DLGAP1: variants seen among roughly 807,000 people sequenced by gnomAD.
DLGAP1 encodes the protein DLG associated protein 1, also known as disks large-associated protein 1.
In DLGAP1, 11 loss-of-function variants were observed where a neutral mutation model predicts 90.8. The observed-to-expected ratio is 0.12, with a 90% CI of 0.08 to 0.20. The LOEUF (loss-of-function observed/expected upper bound fraction) is 0.20. DLGAP1 is among the 10% of genes least tolerant of loss of function. The probability of loss-of-function intolerance (pLI) is 1.00; values close to 1 mark genes in which losing one functional copy is unlikely to be tolerated. For synonymous variants in DLGAP1, 558 were observed against 540.7 expected (o/e 1.03, Z -0.44); for missense variants, 1,050 against 1,333.8 (o/e 0.79, Z 3.31).
intron 1 of DLGAP1, among the ~76,000 whole-genome samples, chr18:4,324,283 T>C (rs1292122522): frequency 1.3e-5 from 2 of 150,356 alleles, no homozygotes; most frequent in African/African-American, 4.9e-5. Flanking sequence ...CAATAAATTC[T>C]TGGACACATA....
At chr18:3,985,607 C>A (rs1263962611) in intron 3 of DLGAP1, among the ~76,000 whole-genome samples, 2 of 151,522 alleles carry the variant, frequency 1.3e-5, no homozygotes, top group African/African-American at 4.9e-5. Flanking sequence ...CCTAGGAAGA[C>A]TAACATATGT....
chr18:3,589,956 G>C (rs993756492), intron 7 of DLGAP1, among the ~76,000 whole-genome samples: 6 of 152,208 alleles, frequency 3.9e-5, no homozygotes, highest in African/African-American at 1.4e-4. Context: ...TGTTGCCCAG[G>C]CTGGAGCGCA....
At chr18:3,760,944 G>A (rs921108762) in intron 5 of DLGAP1, among the ~76,000 whole-genome samples, 2 of 152,144 alleles carry the variant, frequency 1.3e-5, no homozygotes, top group Admixed American at 6.5e-5. Flanking sequence ...GGTTGGGTCC[G>A]TGACACTGTG....
intron 10 of DLGAP1, among the ~76,000 whole-genome samples, chr18:3,524,919 C>T (rs866982734): frequency 7.9e-5 from 12 of 152,148 alleles, no homozygotes; most frequent in Middle Eastern, 3.2e-3. Flanking sequence ...CCATAGAAAA[C>T]GTGGATCTGT....
At chr18:3,654,758 C>A (rs890359019) in intron 7 of DLGAP1, 1 of 152,142 alleles carries the variant, frequency 6.6e-6, no homozygotes, top group Non-Finnish European at 1.5e-5. Context: ...ATGCGCAAAG[C>A]GAACTTGAAT....
intron 4 of DLGAP1, among the ~76,000 whole-genome samples, chr18:3,828,196 G>T (rs1478415758): frequency 2.0e-5 from 3 of 152,168 alleles, no homozygotes; most frequent in Non-Finnish European, 4.4e-5. Flanking sequence ...ACCAGCCAGG[G>T]TTGGAGATGA....
At chr18:4,067,006 T>G (rs2075379402) in intron 2 of DLGAP1, among the ~76,000 whole-genome samples, 2 of 151,990 alleles carry the variant, frequency 1.3e-5, no homozygotes, top group African/African-American at 2.4e-5. Context: ...TACAAAAGAA[T>G]GAGATCATGT....
chr18:4,332,437 T>A (rs902062489), intron 1 of DLGAP1, among the ~76,000 whole-genome samples: 41 of 151,848 alleles, frequency 2.7e-4, no homozygotes, highest in South Asian at 4.1e-4. Flanking sequence ...GGTTTTTTTT[T>A]AAAAAGCAAA....
chr18:3,558,816 C>T (rs1317770574), intron 9 of DLGAP1, among the ~76,000 whole-genome samples: 1 of 152,146 alleles, frequency 6.6e-6, no homozygotes, highest in Admixed American at 6.5e-5. Context: ...TTCTTATCCA[C>T]TCTGACAATC....
rs557932311 is a variant in DLGAP1 at position 3,662,580 on chromosome 18, CTT to C, written c.1591+66553_1591+66554del. ...GCAAAGAGTCCTTAGAGCCCCCAGA[CTT>C]TTATGGGTGAGACATAAGCTGAGAA... is the stretch of plus-strand genomic sequence containing the variant. On this transcript the variant is annotated intron_variant, in intron 7 of 12. Transcript: ENST00000315677. Among the ~76,000 whole-genome samples, 489 of 152,264 alleles carry C rather than the reference CTT, an allele frequency of 3.2e-3. 1 individual carries two copies. Among genetic ancestry groups the C allele is most frequent in the Non-Finnish European group, 4.1e-3 (276 of 68,036 alleles).
intron 2 of DLGAP1, among the ~76,000 whole-genome samples, chr18:4,129,473 G>T (rs952490491): frequency 6.6e-6 from 1 of 152,084 alleles, no homozygotes; most frequent in Non-Finnish European, 1.5e-5. Flanking sequence ...GGAGAGGGTG[G>T]GAAATCGTGG....
At chr18:4,016,675 A>AT (rs2074528432) in intron 2 of DLGAP1, among the ~76,000 whole-genome samples, 1 of 152,016 alleles carries the variant, frequency 6.6e-6, no homozygotes, top group South Asian at 2.1e-4. Context: ...ATTAAAAAAA[A>AT]TCTTTCTCAA....
chr18:3,499,162 G>A lies in DLGAP1; in HGVS notation c.*23C>T, dbSNP rs1242199026. 2.0e-6 allele frequency: 3 copies of A among 1,531,064 alleles called. No homozygotes were observed. Among genetic ancestry groups the A allele is most frequent in the Non-Finnish European group, 8.7e-7 (1 of 1,146,418 alleles). 94.8% of individuals were successfully genotyped at this position (1,531,064 alleles called of 1,614,324 possible). ...GGGAGGAGGGGACAGATGCTTGGCG[G>A]CGGCGGCCGGGCTGCGGGGCGCTCA... On this transcript the variant is annotated 3_prime_UTR_variant, in exon 13 of 13. Coordinates refer to ENST00000315677, the MANE Select transcript of DLGAP1 (RefSeq NM_004746.4). This position sits in a 1 kb window ranked among gnomAD's most constrained non-coding sequence, Gnocchi z 6.4.
At chr18:4,275,119 A>G (rs2079380402) in intron 1 of DLGAP1, among the ~76,000 whole-genome samples, 1 of 152,216 alleles carries the variant, frequency 6.6e-6, no homozygotes, top group Non-Finnish European at 1.5e-5. Context: ...GTAATGAGAG[A>G]GTATCAAAAT....
intron 1 of DLGAP1, among the ~76,000 whole-genome samples, chr18:4,340,174 T>C (rs1356965732): frequency 6.6e-6 from 1 of 152,190 alleles, no homozygotes; most frequent in Admixed American, 6.5e-5. Context: ...TTGAATATTA[T>C]TAATGACATA....
At chr18:4,155,987 A>T (rs990408651) in intron 1 of DLGAP1, among the ~76,000 whole-genome samples, 1 of 152,162 alleles carries the variant, frequency 6.6e-6, no homozygotes, top group Non-Finnish European at 1.5e-5. Flanking sequence ...AGTCAGATCC[A>T]TGCTGAACTT....
At chr18:3,797,873 G>A (rs533636699) in intron 5 of DLGAP1, among the ~76,000 whole-genome samples, 1 of 152,200 alleles carries the variant, frequency 6.6e-6, no homozygotes, top group Non-Finnish European at 1.5e-5. Flanking sequence ...TTGAGGGAGA[G>A]ACCTGGTAGA....
chr18:3,539,530 C>A (rs1383061628), intron 9 of DLGAP1, among the ~76,000 whole-genome samples: 4 of 152,210 alleles, frequency 2.6e-5, no homozygotes, highest in African/African-American at 7.2e-5. Context: ...CACTTGTTAG[C>A]ATTCACTTCT....
At chr18:4,393,146 C>T (rs760731573) in intron 1 of DLGAP1, among the ~76,000 whole-genome samples, 1 of 152,152 alleles carries the variant, frequency 6.6e-6, no homozygotes, top group Non-Finnish European at 1.5e-5. Flanking sequence ...TAGATTTTGT[C>T]ACTTGCATAC....
Sources: allele counts gnomAD v4.1 joint callset (sites outside exome capture counted in the v4.1 genomes callset), GRCh38; gene constraint gnomAD v4.1.1; non-coding constraint Gnocchi (gnomAD v3.1); transcripts MANE v1.5; gene names NCBI Gene and HGNC (gene_info 2026-07-23, HGNC 2026-07-21).